The following CDH13 variants were observed in gnomAD, a reference collection of about 807,000 sequenced individuals.
CDH13 encodes the protein cadherin-13.
In CDH13, 24 loss-of-function variants were observed where a neutral mutation model predicts 63.8. The ratio of observed to expected loss-of-function variants is 0.38; its 90% CI spans 0.27 to 0.53. CDH13 has a LOEUF of 0.53. CDH13 is among the 20% of genes least tolerant of loss of function. The pLI, the probability that CDH13 is intolerant of heterozygous loss-of-function variation, is 0.85. For missense variants in CDH13, 1,049 were observed against 903.1 expected, an observed-to-expected ratio of 1.16 and a Z score of -2.07; for synonymous variants, 503 against 355.3, an observed-to-expected ratio of 1.42 and a Z score of -4.67.
intron 2 of CDH13, among the ~76,000 whole-genome samples, chr16:82,988,146 G>A (rs1410250232): frequency 6.6e-6 from 1 of 152,090 alleles, no homozygotes; most frequent in African/African-American, 2.4e-5. Context: ...TATAACCCAG[G>A]GTCGTGTGTG....
At chr16:82,685,939 C>T (rs1403298328) in intron 1 of CDH13, among the ~76,000 whole-genome samples, 9 of 152,154 alleles carry the variant, frequency 5.9e-5, no homozygotes, top group Admixed American at 5.2e-4. Flanking sequence ...ATCATGGTTC[C>T]TCTAGTGGTT....
chr16:83,380,007 A>G (rs932768113), intron 6 of CDH13, among the ~76,000 whole-genome samples: 7 of 150,728 alleles, frequency 4.6e-5, no homozygotes, highest in African/African-American at 1.5e-4. Flanking sequence ...GGCATATTCC[A>G]TATAATACAA....
chr16:82,735,333 G>A (rs1315367972), intron 1 of CDH13, among the ~76,000 whole-genome samples: 1 of 152,206 alleles, frequency 6.6e-6, no homozygotes. Context: ...AATAGAAGCT[G>A]TCACACCAGA....
At chr16:82,937,183 G>A (rs2042695740) in intron 2 of CDH13, among the ~76,000 whole-genome samples, 1 of 152,110 alleles carries the variant, frequency 6.6e-6, no homozygotes, top group Non-Finnish European at 1.5e-5. Context: ...GCATTGTTTT[G>A]CTTTTTCTTT....
intron 5 of CDH13, among the ~76,000 whole-genome samples, chr16:83,229,102 G>A (rs144121690): frequency 5.9e-5 from 9 of 152,298 alleles, no homozygotes; most frequent in African/African-American, 1.4e-4. Flanking sequence ...AGGATAAGGT[G>A]CTTGGATTTT....
At chr16:83,119,836 G>T (rs577636095) in intron 3 of CDH13, among the ~76,000 whole-genome samples, 11 of 152,100 alleles carry the variant, frequency 7.2e-5, no homozygotes, top group Admixed American at 2.0e-4. Context: ...GCACAGACTC[G>T]ATCAAAGGTG....
chr16:83,250,491 C>T (rs1383955332), intron 5 of CDH13, among the ~76,000 whole-genome samples: 2 of 152,296 alleles, frequency 1.3e-5, no homozygotes, highest in African/African-American at 2.4e-5. Context: ...GTCAGAGGCT[C>T]TGCTGAAACA....
At chr16:82,721,945 T>C (rs1270409265) in intron 1 of CDH13, among the ~76,000 whole-genome samples, 2 of 152,112 alleles carry the variant, frequency 1.3e-5, no homozygotes, top group Non-Finnish European at 1.5e-5. Flanking sequence ...TGAAATGTAG[T>C]TGGGGCGTGT....
At chr16:83,581,156 C>T (rs972722338) in intron 7 of CDH13, among the ~76,000 whole-genome samples, 3 of 152,186 alleles carry the variant, frequency 2.0e-5, no homozygotes, top group Non-Finnish European at 4.4e-5. Context: ...AAAATCATTA[C>T]TGCATTTGTT....
chr16:82,857,257 C>T (rs2039740076), intron 1 of CDH13, among the ~76,000 whole-genome samples: 2 of 152,190 alleles, frequency 1.3e-5, no homozygotes, highest in African/African-American at 2.4e-5. Context: ...TAACATTACA[C>T]ATTTCATAGG....
At chr16:83,161,141 G>T (rs145625623) in intron 4 of CDH13, among the ~76,000 whole-genome samples, 1 of 152,134 alleles carries the variant, frequency 6.6e-6, no homozygotes, top group African/African-American at 2.4e-5. Context: ...TTTGTTCCAC[G>T]TGATTTTCTA....
At chr16:82,933,488 C>G (rs540596431) in intron 2 of CDH13, among the ~76,000 whole-genome samples, 36 of 152,254 alleles carry the variant, frequency 2.4e-4, no homozygotes, top group African/African-American at 8.2e-4. Context: ...GGACACAGAA[C>G]CAGACCATAG....
At chr16:82,963,062 A>G (rs2151346918) in intron 2 of CDH13, among the ~76,000 whole-genome samples, 1 of 152,214 alleles carries the variant, frequency 6.6e-6, no homozygotes, top group Admixed American at 6.5e-5. Flanking sequence ...TATCCGTTTA[A>G]CCAACATGTA....
At chr16:82,746,050 A>G (rs1233449736) in intron 1 of CDH13, among the ~76,000 whole-genome samples, 2 of 152,108 alleles carry the variant, frequency 1.3e-5, no homozygotes, top group African/African-American at 4.8e-5. Context: ...TTTTAAAAAC[A>G]TAATTGCCAG....
intron 6 of CDH13, among the ~76,000 whole-genome samples, chr16:83,468,757 A>T (rs1461437740): frequency 2.0e-5 from 3 of 152,120 alleles, no homozygotes; most frequent in Non-Finnish European, 4.4e-5. Flanking sequence ...TCCTGTGTAA[A>T]GTTTTTAAAA....
At chr16:83,058,061 A>G (rs1295998034) in intron 3 of CDH13, among the ~76,000 whole-genome samples, 2 of 152,354 alleles carry the variant, frequency 1.3e-5, no homozygotes, top group South Asian at 2.1e-4. Context: ...ATTTACTTCT[A>G]AAACTATGAA....
At chr16:82,933,141 C>T (rs904707551) in intron 2 of CDH13, among the ~76,000 whole-genome samples, 1 of 152,038 alleles carries the variant, frequency 6.6e-6, no homozygotes, top group African/African-American at 2.4e-5. Context: ...AGTCCATTCT[C>T]ATGCAGCCAT....
At chr16:83,655,141 CTTGGCAAATCTTG>C (rs1453476217) in intron 8 of CDH13, 9 of 152,228 alleles carry the variant, frequency 5.9e-5, no homozygotes, top group African/African-American at 1.9e-4. Context: ...TGATGAGAAA[CTTGGCAAATCTTG>C]TTGGCAAATC....
intron 1 of CDH13, among the ~76,000 whole-genome samples, chr16:82,681,138 T>C: frequency 6.6e-6 from 1 of 152,148 alleles, no homozygotes; most frequent in East Asian, 1.9e-4. Flanking sequence ...GTCTGAAAGA[T>C]TAAAGGGAAA....
Sources: gnomAD v4.1 joint callset for allele counts (sites outside exome capture counted in the v4.1 genomes callset) on GRCh38, gnomAD v4.1.1 for gene constraint, MANE v1.5 for transcripts, NCBI Gene and HGNC (gene_info 2026-07-23, HGNC 2026-07-21) for gene names.